Variants in CIROP observed in about 807,000 individuals in gnomAD.
The protein encoded by CIROP is leishmanolysin homolog.
chr14:23,101,790 A>G, the CIROP span: 1 of 702,866 alleles, frequency 1.4e-6, no homozygotes. Flanking sequence ...TGGTAGAGTG[A>G]CACTAGAATC....
the CIROP span, chr14:23,102,861 C>G: frequency 1.6e-6 from 1 of 623,288 alleles, no homozygotes; most frequent in South Asian, 1.9e-5. Flanking sequence ...TAATGGGAAA[C>G]TGAGTAACCT....
the CIROP span, chr14:23,099,434 C>T: frequency 7.3e-6 from 3 of 413,438 alleles, no homozygotes; most frequent in Non-Finnish European, 1.3e-5. Flanking sequence ...AGGCAGAGTC[C>T]CATGGACAGC....
At chr14:23,103,254 A>G in the CIROP span, 1 of 411,228 alleles carries the variant, frequency 2.4e-6, no homozygotes, top group Non-Finnish European at 4.3e-6. Flanking sequence ...ACAACTTAAT[A>G]AAAACTGCTT....
chr14:23,099,378 C>G, the CIROP span: 2 of 413,274 alleles, frequency 4.8e-6, no homozygotes, highest in African/African-American at 4.1e-5. Context: ...TGGCTCTTTT[C>G]TGGTAGGCTG....
chr14:23,100,479 G>A, the CIROP span: 1 of 413,326 alleles, frequency 2.4e-6, no homozygotes, highest in South Asian at 1.3e-4. Flanking sequence ...GGATTTGAAA[G>A]GAAAGTACTT....
At chr14:23,099,554 T>TA in the CIROP span, 1 of 381,238 alleles carries the variant, frequency 2.6e-6, no homozygotes, top group Non-Finnish European at 4.6e-6. Context: ...AAAGCGGCAT[T>TA]ACCTTTTTTT....
chr14:23,102,028 C>T, the CIROP span: 4 of 701,056 alleles, frequency 5.7e-6, no homozygotes, highest in Admixed American at 6.0e-5. Flanking sequence ...CCTCCAGCCT[C>T]CCACTTCCCC....
chr14:23,104,690 A>C, the CIROP span: 1 of 702,962 alleles, frequency 1.4e-6, no homozygotes, highest in South Asian at 1.5e-5. Context: ...CAGGATCCCA[A>C]GCTCCATCTG....
chr14:23,103,918 G>C, the CIROP span: 2 of 620,528 alleles, frequency 3.2e-6, no homozygotes, highest in Non-Finnish European at 5.8e-6. Flanking sequence ...CTGTCTTTGT[G>C]TTATCTAGGC....
At chr14:23,103,877 T>C in the CIROP span, 10 of 678,514 alleles carry the variant, frequency 1.5e-5, no homozygotes, top group African/African-American at 1.8e-4. Flanking sequence ...AAATTGGGTA[T>C]GAGGAGTAGG....
At chr14:23,102,904 C>T in the CIROP span, 3 of 607,602 alleles carry the variant, frequency 4.9e-6, no homozygotes, top group Non-Finnish European at 8.8e-6. Context: ...TTGCTTCTCC[C>T]TATTCATCAT....
chr14:23,100,701 T>A, the CIROP span: 1 of 399,022 alleles, frequency 2.5e-6, no homozygotes, highest in Non-Finnish European at 4.4e-6. Flanking sequence ...CATTTGAATC[T>A]TTTAATAGAG....
At chr14:23,102,751 TGCA>T in the CIROP span, 1 of 702,952 alleles carries the variant, frequency 1.4e-6, no homozygotes, top group South Asian at 1.5e-5. Context: ...GGGCCGAATT[TGCA>T]GCAGGATTGA....
the CIROP span, chr14:23,099,529 C>CTAGCCT: frequency 2.4e-6 from 1 of 410,552 alleles, no homozygotes. Context: ...GGAATAATGC[C>CTAGCCT]TAGCCTTAGT....
the CIROP span, chr14:23,103,351 C>G: frequency 2.7e-6 from 1 of 369,248 alleles, no homozygotes; most frequent in East Asian, 4.4e-5. Flanking sequence ...GAGTTTGAGA[C>G]ACAGCCTGGG....
At chr14:23,100,969 T>C in the CIROP span, 1 of 398,896 alleles carries the variant, frequency 2.5e-6, no homozygotes, top group Non-Finnish European at 4.4e-6. Context: ...GCTGGAATAG[T>C]GGATCTGGGG....
At chr14:23,104,886 G>GGCAGCA in the CIROP span, 445 of 453,998 alleles carry the variant, frequency 9.8e-4, 3 homozygotes, top group African/African-American at 8.5e-3. Flanking sequence ...GACTAGTGGC[G>GGCAGCA]GCAGCAGCAG....
At chr14:23,099,557 CTTTTTTTTTTTT>C in the CIROP span, 6 of 308,646 alleles carry the variant, frequency 1.9e-5, no homozygotes, top group Admixed American at 1.8e-4. Flanking sequence ...GCGGCATTAC[CTTTTTTTTTTTT>C]TTTTTTTGGA....
the CIROP span, chr14:23,099,292 C>A: frequency 2.4e-6 from 1 of 413,484 alleles, no homozygotes; most frequent in South Asian, 1.3e-4. Context: ...TCACACCTCC[C>A]TTATTCCTCT....
Sources: allele counts gnomAD v4.1 joint callset, GRCh38; gene constraint gnomAD v4.1.1; transcripts MANE v1.5; gene names NCBI Gene and HGNC (gene_info 2026-07-23, HGNC 2026-07-21).